LRRFIP2: variants seen among roughly 807,000 people sequenced by gnomAD.
The protein encoded by LRRFIP2 is leucine-rich repeat flightless-interacting protein 2.
In LRRFIP2, 109 loss-of-function variants were observed where a neutral mutation model predicts 125.9. The observed-to-expected ratio is 0.87, with a 90% confidence interval of 0.74 to 1.01. The LOEUF is 1.01. Ranked by LOEUF, LRRFIP2 falls within the 50% of genes least tolerant of loss-of-function variation. The probability of loss-of-function intolerance (pLI) is 0.00; values close to 1 mark genes in which losing one functional copy is unlikely to be tolerated. For missense variants in LRRFIP2, 850 were observed against 862.3 expected (o/e 0.99, Z 0.18); for synonymous variants, 291 against 293.1 (o/e 0.99, Z 0.07).
Position 37,071,277 on chromosome 3 carries a change from G to A in LRRFIP2, c.1464+1513C>T, listed in dbSNP as rs533718848. ...CTATTGCTTAGGCTGGAGTGCCATG[G>A]CACGATCATAGCTCACTGCAGCCTC... On this transcript the variant is annotated intron_variant, in intron 21 of 27. Coordinates refer to ENST00000336686, the MANE Select transcript of LRRFIP2 (RefSeq NM_006309.4). Among the ~76,000 whole-genome samples, 7 of 152,298 alleles carry A rather than the reference G, an allele frequency of 4.6e-5. No individual in the cohort carries two copies. The South Asian group carries it at 1.4e-3, about 32-fold the overall frequency.
chr3:37,096,669 G>A lies in LRRFIP2; in HGVS notation c.874-9C>T. On this transcript the variant is annotated splice_polypyrimidine_tract_variant and intron_variant, in intron 15 of 27. Coordinates refer to ENST00000336686, the MANE Select transcript of LRRFIP2 (RefSeq NM_006309.4). ...TCAGATTTTTCATCCAACTAGAAAAGAACAAAGATAAAAATCAGTAAAGAT... is the reference window on the plus strand; with the variant it reads ...TCAGATTTTTCATCCAACTAGAAAAAAACAAAGATAAAAATCAGTAAAGAT... 6.5e-7 allele frequency: 1 copy of A among 1,533,254 alleles called. No individual in the cohort carries two copies. Among genetic ancestry groups the A allele is most frequent in the South Asian group, 1.2e-5 (1 of 85,030 alleles). The allele number at this position is 1,533,254 out of a possible 1,614,324, so 95.0% of individuals were successfully genotyped here. A position where few individuals can be genotyped will look rare whatever the true frequency, so the allele number is the denominator to read the frequency against.
chr3:37,084,527 C>G (rs142453014), intron 18 of LRRFIP2, among the ~76,000 whole-genome samples: 2 of 151,928 alleles, frequency 1.3e-5, no homozygotes, highest in East Asian at 1.9e-4. Flanking sequence ...ATTAGCCAGA[C>G]ACAGTGGCGC....
chr3:37,176,279 C>T (rs2096661378), upstream of LRRFIP2: 1 of 152,368 alleles, frequency 6.6e-6, no homozygotes, highest in Non-Finnish European at 1.5e-5. Context: ...GCTGAGACAG[C>T]GGGAACCGGC....
At chr3:37,134,867 A>C (rs570707528) in intron 2 of LRRFIP2, 16 of 1,228,636 alleles carry the variant, frequency 1.3e-5, no homozygotes, top group Non-Finnish European at 1.7e-5. Flanking sequence ...TTGCATGTAC[A>C]ACAAGGATTT....
At chr3:37,160,198 T>C (rs1040679538) in intron 1 of LRRFIP2, among the ~76,000 whole-genome samples, 1 of 151,830 alleles carries the variant, frequency 6.6e-6, no homozygotes. Flanking sequence ...GTAGGAAGTG[T>C]GGGCTTAGGT....
At chr3:37,148,794 G>T in intron 2 of LRRFIP2, 100 bp downstream of exon 2, 2 of 1,282,188 alleles carry the variant, frequency 1.6e-6, no homozygotes, top group Non-Finnish European at 2.2e-6. Flanking sequence ...ATAAACATCT[G>T]AAACTAGTTC....
chr3:37,124,319 A>T (rs2095189045), intron 4 of LRRFIP2, among the ~76,000 whole-genome samples: 1 of 152,242 alleles, frequency 6.6e-6, no homozygotes, highest in Non-Finnish European at 1.5e-5. Context: ...GTGTTTACGT[A>T]AAACTGTAAG....
chr3:37,091,165 C>T (rs2093412913), intron 18 of LRRFIP2, among the ~76,000 whole-genome samples: 1 of 151,096 alleles, frequency 6.6e-6, no homozygotes, highest in African/African-American at 2.4e-5. Flanking sequence ...GGCTTGAGCC[C>T]AGGAATTTGA....
At chr3:37,099,521 T>TA (rs2093908959) in intron 15 of LRRFIP2, among the ~76,000 whole-genome samples, 1 of 152,232 alleles carries the variant, frequency 6.6e-6, no homozygotes, top group Non-Finnish European at 1.5e-5. Flanking sequence ...TTTATATATA[T>TA]ACTAACTTGA....
At chr3:37,083,527 G>T in intron 19 of LRRFIP2, 109 bp downstream of exon 19, 1 of 798,104 alleles carries the variant, frequency 1.3e-6, no homozygotes, top group Non-Finnish European at 1.9e-6. Context: ...GGGCCATTCA[G>T]TTTTGACTGA....
intron 1 of LRRFIP2, among the ~76,000 whole-genome samples, chr3:37,164,654 G>C (rs2096431451): frequency 6.6e-6 from 1 of 151,578 alleles, no homozygotes; most frequent in African/African-American, 2.4e-5. Flanking sequence ...GTGGGAGGCA[G>C]AGGTTGCAGT....
chr3:37,080,856 AT>A (rs1386103336), intron 19 of LRRFIP2, among the ~76,000 whole-genome samples: 1 of 152,192 alleles, frequency 6.6e-6, no homozygotes, highest in African/African-American at 2.4e-5. Context: ...CTGGATCCCG[AT>A]TTTTTTAAGT....
upstream of LRRFIP2, chr3:37,175,270 T>C (rs775383982): frequency 1.6e-4 from 25 of 152,326 alleles, no homozygotes; most frequent in Non-Finnish European, 3.2e-4. Flanking sequence ...TTTTAGTCAA[T>C]CAATCCACTC....
chr3:37,128,995 G>T, intron 3 of LRRFIP2, 68 bp downstream of exon 3: 1 of 1,381,124 alleles, frequency 7.2e-7, no homozygotes, highest in Non-Finnish European at 1.0e-6. Context: ...ATTCACATCA[G>T]AATAAACTAG....
chr3:37,128,752 A>G (rs2095352047), intron 3 of LRRFIP2, among the ~76,000 whole-genome samples: 1 of 152,186 alleles, frequency 6.6e-6, no homozygotes, highest in Non-Finnish European at 1.5e-5. Flanking sequence ...ATTAATCCAA[A>G]TTTTAGGACA....
At chr3:37,129,399 C>T (rs924115652) in intron 2 of LRRFIP2, among the ~76,000 whole-genome samples, 1 of 152,184 alleles carries the variant, frequency 6.6e-6, no homozygotes, top group Non-Finnish European at 1.5e-5. Flanking sequence ...ACACTCAACA[C>T]ATTTCATACA....
chr3:37,121,628 TACAA>T lies in LRRFIP2; in HGVS notation c.285+3_285+6del. The T allele has an allele frequency of 5.0e-6, 8 of 1,614,188 alleles. No individual in the cohort carries two copies. The highest frequency in any genetic ancestry group is 6.8e-6 in the Non-Finnish European group (8 of 1,180,020). The stretch of plus-strand genomic sequence containing the variant: ...TATTAGAGGCAAGTGTATAGGTTAT[TACAA>T]ACCAGATAAGGACGATGGTGACTGG... On this transcript the variant is annotated splice_donor_5th_base_variant and intron_variant, in intron 5 of 27. Transcript: ENST00000336686.
intron 23 of LRRFIP2, 105 bp from the exon 24 acceptor site, chr3:37,063,896 A>T (rs1575871789): frequency 1.3e-6 from 1 of 779,516 alleles, no homozygotes; most frequent in East Asian, 2.5e-5. Context: ...CTGATAAATT[A>T]CATTACTTAC....
intron 1 of LRRFIP2, among the ~76,000 whole-genome samples, chr3:37,166,711 G>A (rs888407315): frequency 2.1e-5 from 3 of 141,516 alleles, no homozygotes; most frequent in African/African-American, 7.7e-5. Context: ...TGGGCAACAT[G>A]TCTCTACAAA....
Sources: gnomAD v4.1 joint callset for allele counts (sites outside exome capture counted in the v4.1 genomes callset) on GRCh38, gnomAD v4.1.1 for gene constraint, MANE v1.5 for transcripts, NCBI Gene and HGNC (gene_info 2026-07-23, HGNC 2026-07-21) for gene names.